GRIK4: variants seen among roughly 807,000 people sequenced by gnomAD.
GRIK4 encodes glutamate receptor ionotropic, kainate 4.
A neutral mutation model predicts 104.9 loss-of-function variants in GRIK4; 40 were observed. That is an observed-to-expected ratio of 0.38 (90% CI 0.30 to 0.50). The LOEUF (loss-of-function observed/expected upper bound fraction) is 0.50, where lower values mean the gene tolerates loss of function less well. Among genes scored for constraint, GRIK4 ranks in the 20% least tolerant of loss-of-function variants. The pLI is 0.93. For synonymous variants in GRIK4, 485 were observed against 524.9 expected (o/e 0.92, Z 1.04); for missense variants, 1,047 against 1,308.1 (o/e 0.80, Z 3.08).
chr11:120,911,516 C>G (rs1011194801), intron 13 of GRIK4, among the ~76,000 whole-genome samples: 2 of 143,500 alleles, frequency 1.4e-5, no homozygotes, highest in Non-Finnish European at 3.0e-5. Context: ...GGATTACAGG[C>G]TTGAGCCACC....
rs1300918038 is a variant in GRIK4, at chr11:120,862,137, G to C, written c.906+17G>C. The C allele has an allele frequency of 2.5e-6, 4 of 1,609,662 alleles. No homozygotes were observed. In the Admixed American group the frequency reaches 6.7e-5, roughly 27 times the overall value. ...GGGCCTGCGGTAAGTACCCGCCAGA[G>C]CTCTTCCTGGTGCCCCTTGGCCTCT... On this transcript the variant is annotated intron_variant, in intron 9 of 20. Transcript: ENST00000527524.
chr11:120,758,235 G>C (rs1192931656), intron 3 of GRIK4, among the ~76,000 whole-genome samples: 1 of 152,120 alleles, frequency 6.6e-6, no homozygotes, highest in African/African-American at 2.4e-5. Context: ...GGACCTGGGG[G>C]GCCCCTGTGC....
At chr11:120,942,474 T>C (rs1476409962) in intron 14 of GRIK4, among the ~76,000 whole-genome samples, 1 of 152,208 alleles carries the variant, frequency 6.6e-6, no homozygotes, top group African/African-American at 2.4e-5. Context: ...CCTTGGTGTC[T>C]AGATTCCTGG....
intron 1 of GRIK4, among the ~76,000 whole-genome samples, chr11:120,612,264 G>T (rs1949046983): frequency 6.6e-6 from 1 of 152,106 alleles, no homozygotes; most frequent in Non-Finnish European, 1.5e-5. Context: ...GAGTTTAAAT[G>T]GCACTTTGTT....
intron 1 of GRIK4, among the ~76,000 whole-genome samples, chr11:120,537,387 T>G (rs1254983815): frequency 1.3e-5 from 2 of 152,184 alleles, no homozygotes; most frequent in Admixed American, 6.5e-5. Context: ...CCTCAGCCTC[T>G]TAGGAAGCTT....
intron 3 of GRIK4, among the ~76,000 whole-genome samples, chr11:120,780,260 T>C (rs1952126817): frequency 6.6e-6 from 1 of 152,254 alleles, no homozygotes; most frequent in Non-Finnish European, 1.5e-5. Flanking sequence ...CACCACTATC[T>C]ATCTCCAGAA....
intron 4 of GRIK4, among the ~76,000 whole-genome samples, chr11:120,807,366 C>T (rs530884556): frequency 6.6e-6 from 1 of 152,336 alleles, no homozygotes; most frequent in South Asian, 2.1e-4. Context: ...GCAGGGGCTT[C>T]CCTGTCAACC....
chr11:120,599,113 C>T (rs1013170220), intron 1 of GRIK4, among the ~76,000 whole-genome samples: 7 of 152,252 alleles, frequency 4.6e-5, no homozygotes, highest in African/African-American at 1.7e-4. Context: ...GCTTACTGAG[C>T]TTCCACATCT....
chr11:120,743,480 T>C (rs576351130), intron 3 of GRIK4, among the ~76,000 whole-genome samples: 3 of 152,334 alleles, frequency 2.0e-5, no homozygotes, highest in African/African-American at 7.2e-5. Context: ...GGTACTGGGC[T>C]TAATACCTGG....
At chr11:120,788,611 C>T (rs1952335984) in intron 3 of GRIK4, among the ~76,000 whole-genome samples, 1 of 152,136 alleles carries the variant, frequency 6.6e-6, no homozygotes, top group African/African-American at 2.4e-5. Context: ...GCCGTCCCTT[C>T]TCTCACCCCA....
chr11:120,675,273 C>T (rs2135274264), intron 3 of GRIK4, among the ~76,000 whole-genome samples: 1 of 152,308 alleles, frequency 6.6e-6, no homozygotes, highest in East Asian at 1.9e-4. Flanking sequence ...GCCACCTTCT[C>T]TGGGAGAGTT....
chr11:120,802,873 A>C lies in GRIK4; in HGVS notation c.247+16A>C, dbSNP rs543980392. The C allele has an allele frequency of 6.1e-5, 98 of 1,610,830 alleles. 2 individuals are homozygous for C. In the South Asian group the frequency reaches 1.0e-3, roughly 17 times the overall value. ...GCAGAAACCAGTACGTAGACTGGGC[A>C]GGGCTGCCTCTTCCCTTGCTGGCAG... On this transcript the variant is annotated intron_variant, in intron 4 of 20. Transcript: ENST00000527524.
At chr11:120,599,636 G>A (rs1419279234) in intron 1 of GRIK4, among the ~76,000 whole-genome samples, 2 of 152,322 alleles carry the variant, frequency 1.3e-5, no homozygotes, top group Non-Finnish European at 2.9e-5. Context: ...GGGATATAGT[G>A]CCCCGTTTTC....
Position 120,988,579 on chromosome 11 carries a change from T to A in GRIK4, c.*2319T>A, listed in dbSNP as rs1944795802. On this transcript the variant is annotated 3_prime_UTR_variant, in exon 21 of 21. Coordinates refer to ENST00000527524, the MANE Select transcript of GRIK4 (RefSeq NM_014619.5). ...GACTGCCAGCACTAGACGGTTTCTG[T>A]TAGCTGCTGAGACCAGGGCCTCACC... 6.6e-6 allele frequency: 1 copy of A among 152,194 alleles called. No homozygotes were observed. Among genetic ancestry groups the A allele is most frequent in the Admixed American group, 6.5e-5 (1 of 15,276 alleles). The allele number at this position is 152,194 out of a possible 1,614,324, so 9.4% of individuals were successfully genotyped here.
At chr11:120,673,269 T>C (rs1950049415) in intron 3 of GRIK4, among the ~76,000 whole-genome samples, 1 of 152,194 alleles carries the variant, frequency 6.6e-6, no homozygotes, top group African/African-American at 2.4e-5. Flanking sequence ...CCACTAAATA[T>C]CTACTGAATG....
At chr11:120,672,074 G>A (rs957995618) in intron 3 of GRIK4, among the ~76,000 whole-genome samples, 6 of 152,272 alleles carry the variant, frequency 3.9e-5, no homozygotes, top group African/African-American at 9.6e-5. Flanking sequence ...CTCCAGCTTT[G>A]TTCTTTTTGC....
intron 8 of GRIK4, among the ~76,000 whole-genome samples, chr11:120,850,155 C>T (rs913034277): frequency 2.6e-5 from 4 of 152,178 alleles, no homozygotes; most frequent in African/African-American, 9.7e-5. Context: ...CCTTGGCTTC[C>T]TCTTCTGCAA....
At chr11:120,574,891 T>C (rs1323583400) in intron 1 of GRIK4, among the ~76,000 whole-genome samples, 1 of 151,476 alleles carries the variant, frequency 6.6e-6, no homozygotes, top group Admixed American at 6.6e-5. Flanking sequence ...ACTATATGCC[T>C]GAGTCTACAC....
At chr11:120,921,349 G>C (rs1640388891) in intron 13 of GRIK4, among the ~76,000 whole-genome samples, 1 of 152,220 alleles carries the variant, frequency 6.6e-6, no homozygotes, top group African/African-American at 2.4e-5. Context: ...TCAGCCACCA[G>C]GGGATGGGTG....
Sources: gnomAD v4.1 joint callset for allele counts (sites outside exome capture counted in the v4.1 genomes callset) on GRCh38, gnomAD v4.1.1 for gene constraint, MANE v1.5 for transcripts, NCBI Gene and HGNC (gene_info 2026-07-23, HGNC 2026-07-21) for gene names.